HKDC1: variants seen among roughly 807,000 people sequenced by gnomAD.
HKDC1 encodes the protein hexokinase domain containing 1, also known as hexokinase HKDC1.
HKDC1 carries 66 observed loss-of-function variants against 96.6 expected under a neutral mutation model. The ratio of observed to expected loss-of-function variants is 0.68; its 90% confidence interval spans 0.56 to 0.84. HKDC1 has a LOEUF of 0.84. HKDC1 is among the 40% of genes least tolerant of loss of function. The pLI is 0.00. For synonymous variants in HKDC1, 466 were observed against 473.1 expected (o/e 0.98, Z 0.20); for missense variants, 1,211 against 1,208.1 (o/e 1.00, Z -0.04).
chr10:69,244,157 A>C (rs557797665), intron 7 of HKDC1, among the ~76,000 whole-genome samples: 19 of 152,110 alleles, frequency 1.2e-4, no homozygotes, highest in African/African-American at 4.6e-4. Flanking sequence ...TTGATGCTCA[A>C]ATTGTTTCAG....
intron 12 of HKDC1, among the ~76,000 whole-genome samples, chr10:69,253,611 C>T (rs1285248023): frequency 6.6e-6 from 1 of 152,188 alleles, no homozygotes; most frequent in Non-Finnish European, 1.5e-5. Flanking sequence ...ACTAAATGAG[C>T]TCGTGTGTGT....
intron 12 of HKDC1, among the ~76,000 whole-genome samples, chr10:69,256,500 G>A (rs1843718010): frequency 6.6e-6 from 1 of 152,120 alleles, no homozygotes; most frequent in Non-Finnish European, 1.5e-5. Flanking sequence ...TGAGGCCAGA[G>A]GTTTGAGACC....
intron 1 of HKDC1, among the ~76,000 whole-genome samples, chr10:69,226,583 A>T (rs963835896): frequency 6.6e-6 from 1 of 151,654 alleles, no homozygotes; most frequent in Non-Finnish European, 1.5e-5. Context: ...TGAACCTGGG[A>T]GGTGGAGGCT....
chr10:69,245,087 A>G (rs1045254028), intron 7 of HKDC1, among the ~76,000 whole-genome samples: 2 of 152,212 alleles, frequency 1.3e-5, no homozygotes, highest in East Asian at 1.9e-4. Flanking sequence ...TATTTTTAGT[A>G]GAGACAGGGT....
At chr10:69,237,277 TTGTGTGTGTGTGTGTGTG>T (rs71035080) in intron 4 of HKDC1, among the ~76,000 whole-genome samples, 17 of 145,598 alleles carry the variant, frequency 1.2e-4, no homozygotes, top group African/African-American at 3.3e-4. Context: ...AGAAATTTCT[TTGTGTGTGTGTGTGTGTG>T]TGTGTGTGTG....
At chr10:69,231,008 G>A (rs1269898271) in intron 2 of HKDC1, among the ~76,000 whole-genome samples, 1 of 152,172 alleles carries the variant, frequency 6.6e-6, no homozygotes, top group Non-Finnish European at 1.5e-5. Flanking sequence ...GGGTCCACTG[G>A]TTCCTTTTTT....
At chr10:69,243,631 G>A (rs1843491245) in intron 7 of HKDC1, among the ~76,000 whole-genome samples, 1 of 151,896 alleles carries the variant, frequency 6.6e-6, no homozygotes, top group South Asian at 2.1e-4. Context: ...AGAGGAGTTG[G>A]GACTACGGGC....
chr10:69,240,357 A>G (rs1180421730), intron 5 of HKDC1, among the ~76,000 whole-genome samples: 4 of 152,136 alleles, frequency 2.6e-5, no homozygotes, highest in African/African-American at 9.7e-5. Context: ...ATTAAAAAAA[A>G]CATCGACAAC....
At chr10:69,225,979 C>G (rs1843149619) in intron 1 of HKDC1, 1 of 152,306 alleles carries the variant, frequency 6.6e-6, no homozygotes. Context: ...GATGGAGCCT[C>G]CTGTCACCTG....
rs150616036 is a variant in HKDC1, at chr10:69,240,661, G to A, written c.601G>A (p.Val201Met). 7.3e-4 allele frequency: 1,174 copies of A among 1,613,652 alleles called. 1 individual carries two copies. Among genetic ancestry groups the A allele is most frequent in the Non-Finnish European group, 9.5e-4 (1,119 of 1,179,808 alleles). ...GCCTTGTGTTCGGCAGGACATGGAC[G>A]TGGACATCCTGGCCCTGGTCAATGA... Reference protein sequence around the residue: ...KAMRRHKDMDVDILALVNDTV... With the variant: ...KAMRRHKDMDMDILALVNDTV... Residue 201 changes from valine to methionine, a missense_variant, in exon 6 of 18, where the codon GTG (valine) becomes ATG (methionine). Transcript: ENST00000354624.
At chr10:69,243,145 T>A (rs754023342) in intron 6 of HKDC1, 37 bp from the exon 7 acceptor site, 4 of 1,605,470 alleles carry the variant, frequency 2.5e-6, no homozygotes, top group Non-Finnish European at 3.4e-6. Context: ...CAGCTGGGAG[T>A]CCTCTCTCTG....
chr10:69,261,283 C>G lies in HKDC1; in HGVS notation c.2361C>G (p.Ser787=). Residue 787 remains serine (S), a synonymous_variant, in exon 16 of 18, where the codon TCC becomes TCG. Coordinates refer to ENST00000354624, the MANE Select transcript of HKDC1 (RefSeq NM_025130.4). The stretch of plus-strand genomic sequence containing the variant: ...GCATCTTCGAAACCAAGTTCCTGTC[C>G]CAGATCGAAAGGTGACCTGTGATCA... ...TRGIFETKFL[S]QIESDRLALL... is the part of the protein sequence containing the mutation. 1 of 1,613,908 alleles carries G rather than the reference C, an allele frequency of 6.2e-7. No homozygotes were observed. Among genetic ancestry groups the G allele is most frequent in the Non-Finnish European group, 8.5e-7 (1 of 1,179,858 alleles).
intron 2 of HKDC1, among the ~76,000 whole-genome samples, 157 bp downstream of exon 2, chr10:69,227,526 C>T (rs544063807): frequency 6.6e-6 from 1 of 151,456 alleles, no homozygotes; most frequent in South Asian, 2.1e-4. Flanking sequence ...CTGCTGAATC[C>T]CTCTTGCAGT....
chr10:69,240,459 T>C (rs1382805964), intron 5 of HKDC1, among the ~76,000 whole-genome samples, 193 bp from the exon 6 acceptor site: 1 of 152,128 alleles, frequency 6.6e-6, no homozygotes, highest in African/African-American at 2.4e-5. Flanking sequence ...GCTCCCCTCT[T>C]CAGCTCCTGT....
At chr10:69,262,207 G>T in intron 16 of HKDC1, 1 of 292,886 alleles carries the variant, frequency 3.4e-6, no homozygotes, top group Non-Finnish European at 6.9e-6. Context: ...CATTTTGAAT[G>T]GCTGCATATT....
chr10:69,266,200 T>G (rs1373147133), intron 17 of HKDC1, among the ~76,000 whole-genome samples: 1 of 152,214 alleles, frequency 6.6e-6, no homozygotes, highest in Non-Finnish European at 1.5e-5. Context: ...ATGCCTGTAA[T>G]GGCAGACGGG....
intron 6 of HKDC1, 102 bp downstream of exon 6, chr10:69,240,853 C>A: frequency 1.3e-6 from 1 of 780,702 alleles, no homozygotes. Context: ...GGGCACTGCA[C>A]TATTTAGGAG....
intron 4 of HKDC1, among the ~76,000 whole-genome samples, chr10:69,237,109 G>T (rs1194364329): frequency 6.6e-6 from 1 of 152,144 alleles, no homozygotes; most frequent in Non-Finnish European, 1.5e-5. Context: ...GGTGTGATTA[G>T]GGGGCTTCTT....
At chr10:69,223,826 G>A (rs7917665) in intron 1 of HKDC1, among the ~76,000 whole-genome samples, 3 of 149,718 alleles carry the variant, frequency 2.0e-5, no homozygotes, top group African/African-American at 4.9e-5. Flanking sequence ...CTCGGGATCC[G>A]CCCGCCTCGG....
Sources: gnomAD v4.1 joint callset for allele counts (sites outside exome capture counted in the v4.1 genomes callset) on GRCh38, gnomAD v4.1.1 for gene constraint, MANE v1.5 for transcripts, NCBI Gene and HGNC (gene_info 2026-07-23, HGNC 2026-07-21) for gene names.